Variants in MYO1E observed in about 807,000 individuals in gnomAD.
The protein encoded by MYO1E is unconventional myosin-Ie.
MYO1E carries 68 observed loss-of-function variants against 151.1 expected under a neutral mutation model. The observed-to-expected ratio is 0.45, with a 90% CI of 0.37 to 0.55. MYO1E has a LOEUF of 0.55. Ranked by LOEUF, MYO1E falls within the 20% of genes least tolerant of loss-of-function variation. MYO1E has a pLI of 0.00. For missense variants in MYO1E, 1,363 were observed against 1,389.3 expected (o/e 0.98, Z 0.30); for synonymous variants, 601 against 501.7 (o/e 1.20, Z -2.64).
intron 1 of MYO1E, among the ~76,000 whole-genome samples, chr15:59,296,230 C>T (rs1466876792): frequency 6.6e-6 from 1 of 152,172 alleles, no homozygotes; most frequent in African/African-American, 2.4e-5. Flanking sequence ...TTACAGTAAT[C>T]CAGCCCACAG....
chr15:59,222,914 C>T (rs1228796161), intron 9 of MYO1E, 145 bp downstream of exon 9: 27 of 1,267,786 alleles, frequency 2.1e-5, no homozygotes, highest in Non-Finnish European at 2.9e-5. Context: ...TCTCGTGAAG[C>T]CATTCTGTTT....
At chr15:59,266,035 A>G (rs1364439482) in intron 2 of MYO1E, among the ~76,000 whole-genome samples, 1 of 152,214 alleles carries the variant, frequency 6.6e-6, no homozygotes, top group African/African-American at 2.4e-5. Context: ...GGAGAATTTA[A>G]TTGATTTAAA....
In MYO1E at chr15:59,218,086, A is replaced by T; in HGVS notation, c.912T>A (p.Phe304Leu). ...GNYAAVESEE[F>L]LAFPAYLLGI... ...CTAGCAGATATGCAGGAAAAGCTAA[A>T]ACTGTAGAACATAAAACAAAACATG... The change falls in exon 10 of 28, where the codon TTT becomes TTA. Residue 304 changes from phenylalanine to leucine, a missense_variant and splice_region_variant. Coordinates refer to ENST00000288235, the MANE Select transcript of MYO1E (RefSeq NM_004998.4). 3.7e-6 allele frequency: 6 copies of T among 1,614,212 alleles called. No homozygotes were observed. The highest frequency in any genetic ancestry group is 5.1e-6 in the Non-Finnish European group (6 of 1,180,018).
At chr15:59,222,765 C>G (rs768246472) in intron 9 of MYO1E, among the ~76,000 whole-genome samples, 2 of 152,206 alleles carry the variant, frequency 1.3e-5, no homozygotes, top group Non-Finnish European at 2.9e-5. Context: ...ATCACTTTAT[C>G]TTTAAACCAA....
At chr15:59,289,218 T>C (rs932253421) in intron 1 of MYO1E, among the ~76,000 whole-genome samples, 4 of 152,210 alleles carry the variant, frequency 2.6e-5, no homozygotes, top group Non-Finnish European at 4.4e-5. Flanking sequence ...TGAGCAAATC[T>C]GTACCAAAAG....
chr15:59,280,252 T>C (rs761549157), intron 1 of MYO1E, among the ~76,000 whole-genome samples: 2 of 152,228 alleles, frequency 1.3e-5, no homozygotes, highest in Non-Finnish European at 2.9e-5. Flanking sequence ...AAAGATAAGA[T>C]GTTGTAAATG....
At chr15:59,139,177 T>A (rs2079392111) in intron 26 of MYO1E, among the ~76,000 whole-genome samples, 1 of 151,904 alleles carries the variant, frequency 6.6e-6, no homozygotes, top group African/African-American at 2.4e-5. Context: ...CCCACCCTCA[T>A]TACTCCAGAG....
chr15:59,271,886 G>A (rs183457298), intron 2 of MYO1E, among the ~76,000 whole-genome samples: 12 of 152,368 alleles, frequency 7.9e-5, no homozygotes, highest in Admixed American at 6.5e-4. Context: ...ACTAGAGCAT[G>A]TCAAAGGGAC....
chr15:59,277,913 G>A (rs1271983398), intron 1 of MYO1E, among the ~76,000 whole-genome samples: 1 of 152,190 alleles, frequency 6.6e-6, no homozygotes, highest in Non-Finnish European at 1.5e-5. Flanking sequence ...TACTTTTGGG[G>A]AGAAGACCTG....
At chr15:59,227,731 T>A in intron 6 of MYO1E, 141 bp from the exon 7 acceptor site, 1 of 1,116,884 alleles carries the variant, frequency 9.0e-7, no homozygotes, top group Admixed American at 1.8e-5. Context: ...GAGTCTAGAC[T>A]TCCTTAGTTT....
intron 25 of MYO1E, among the ~76,000 whole-genome samples, chr15:59,156,023 C>T (rs1367506002): frequency 1.3e-5 from 2 of 152,102 alleles, no homozygotes; most frequent in Non-Finnish European, 2.9e-5. Context: ...GTGCATGCCA[C>T]CACGCCCAGC....
At chr15:59,223,993 C>G (rs1414191641) in intron 8 of MYO1E, among the ~76,000 whole-genome samples, 2 of 152,228 alleles carry the variant, frequency 1.3e-5, no homozygotes, top group African/African-American at 4.8e-5. Context: ...CCACGCTGCT[C>G]ATTCAGAGTC....
chr15:59,333,234 C>CTTTCTT (rs201650961), intron 1 of MYO1E, among the ~76,000 whole-genome samples: 15 of 152,018 alleles, frequency 9.9e-5, no homozygotes, highest in Middle Eastern at 3.2e-3. Context: ...TATCTACTTT[C>CTTTCTT]TTTCTTTTTC....
intron 19 of MYO1E, among the ~76,000 whole-genome samples, chr15:59,176,032 C>G (rs1427433441): frequency 6.7e-6 from 1 of 148,750 alleles, no homozygotes; most frequent in East Asian, 2.0e-4. Context: ...AAAACAAACC[C>G]TATGGTGTCT....
chr15:59,315,693 T>C (rs2140413668), intron 1 of MYO1E, among the ~76,000 whole-genome samples: 1 of 152,340 alleles, frequency 6.6e-6, no homozygotes, highest in South Asian at 2.1e-4. Flanking sequence ...GAAGATTGAA[T>C]GAGCTCTTGT....
In MYO1E at chr15:59,207,793, G is replaced by A. The variant is rs375047289; in HGVS notation, c.1530+888C>T. 1.2e-4 allele frequency: 193 copies of A among 1,614,100 alleles called. No homozygotes were observed. The Middle Eastern group carries it at 1.5e-3, about 12-fold the overall frequency. On this transcript the variant is annotated intron_variant, in intron 14 of 27. Coordinates refer to ENST00000288235, the MANE Select transcript of MYO1E (RefSeq NM_004998.4). ...GAAAAATGTCCACAAAGAAGTGACT[G>A]CAACTGCCTATGAGATTATTAAAAT...
At chr15:59,301,680 C>G (rs1321979417) in intron 1 of MYO1E, among the ~76,000 whole-genome samples, 1 of 152,200 alleles carries the variant, frequency 6.6e-6, no homozygotes, top group Non-Finnish European at 1.5e-5. Flanking sequence ...CTGCCATGAC[C>G]TGGCAGAGAG....
chr15:59,339,853 G>T lies in MYO1E; in HGVS notation c.3+32645C>A, dbSNP rs200144462. On this transcript the variant is annotated intron_variant, in intron 1 of 27. Transcript: ENST00000288235. ...ATTTTATATATACATACTTTTTTTT[G>T]TTTTTTTTTTTTTTGACAGAGTCTT... Among the ~76,000 whole-genome samples the T allele has an allele frequency of 1.5e-4, 20 of 133,574 alleles. No individual in the cohort carries two copies. The South Asian group carries it at 2.6e-3, about 17-fold the overall frequency. 87.6% of individuals were successfully genotyped at this position (133,574 alleles called of 152,430 possible). A position where few individuals can be genotyped will look rare whatever the true frequency, so the allele number is the denominator to read the frequency against.
chr15:59,225,747 C>T (rs751027376), intron 7 of MYO1E, among the ~76,000 whole-genome samples: 3 of 151,614 alleles, frequency 2.0e-5, no homozygotes, highest in Admixed American at 6.6e-5. Flanking sequence ...CCCAGGTTCA[C>T]GCCATTCTCC....
Sources: allele counts gnomAD v4.1 joint callset (sites outside exome capture counted in the v4.1 genomes callset), GRCh38; gene constraint gnomAD v4.1.1; transcripts MANE v1.5; gene names NCBI Gene and HGNC (gene_info 2026-07-23, HGNC 2026-07-21).